Variants in CLEC18A observed in about 807,000 individuals in gnomAD.
CLEC18A encodes mannose receptor-like 1.
CLEC18A carries 5 observed loss-of-function variants against 24.0 expected under a neutral mutation model. That is an observed-to-expected ratio of 0.21 (90% CI 0.11 to 0.44). CLEC18A has a LOEUF of 0.44. Among genes scored for constraint, CLEC18A ranks in the 20% least tolerant of loss-of-function variants. The probability of loss-of-function intolerance (pLI) is 0.99; values close to 1 mark genes in which losing one functional copy is unlikely to be tolerated. For synonymous variants in CLEC18A, 29 were observed against 100.1 expected (o/e 0.29, Z 4.24); for missense variants, 83 against 233.4 (o/e 0.36, Z 4.20).
upstream of CLEC18A, among the ~76,000 whole-genome samples, chr16:69,946,462 A>G (rs1337867076): frequency 7.2e-6 from 1 of 138,760 alleles, no homozygotes; most frequent in Non-Finnish European, 1.5e-5. Context: ...CAGTGGCGCA[A>G]TCTCGGCTCA....
At chr16:69,947,724 AT>A (rs1238251046), upstream of CLEC18A, among the ~76,000 whole-genome samples, 3 of 60,374 alleles carry the variant, frequency 5.0e-5, no homozygotes, top group Non-Finnish European at 7.3e-5. Context: ...AATAGACATG[AT>A]TTTTTTTTAG....
upstream of CLEC18A, among the ~76,000 whole-genome samples, chr16:69,950,343 T>C (rs1382630224): frequency 2.3e-5 from 3 of 128,616 alleles, no homozygotes; most frequent in African/African-American, 5.0e-5. Context: ...TTTGCCCTGG[T>C]TGAATAACCT....
chr16:69,945,123 T>C, the CLEC18A span, among the ~76,000 whole-genome samples: 3 of 143,006 alleles, frequency 2.1e-5, no homozygotes, highest in African/African-American at 8.7e-5. Flanking sequence ...AGACCCTGTC[T>C]GGAAAAAAAA....
intron 3 of CLEC18A, among the ~76,000 whole-genome samples, chr16:69,957,140 T>C (rs1290410377): frequency 3.7e-5 from 2 of 53,884 alleles, no homozygotes; most frequent in Admixed American, 1.7e-4. Context: ...AGTTTTGATG[T>C]TTTTTCTATT....
At chr16:69,965,565 G>A (rs1396312924), downstream of CLEC18A, among the ~76,000 whole-genome samples, 2 of 150,140 alleles carry the variant, frequency 1.3e-5, no homozygotes, top group Admixed American at 6.6e-5. Context: ...GCCTGGTTGG[G>A]GACCTGACGC....
chr16:69,954,092 G>A (rs1218987033), intron 2 of CLEC18A, among the ~76,000 whole-genome samples: 1 of 135,814 alleles, frequency 7.4e-6, no homozygotes, highest in Non-Finnish European at 1.6e-5. Flanking sequence ...CCTGGGCAGG[G>A]CCGAAGGATG....
At chr16:69,953,045 G>A (rs1567458267) in intron 2 of CLEC18A, 1 of 150,804 alleles carries the variant, frequency 6.6e-6, no homozygotes, top group Non-Finnish European at 1.5e-5. Context: ...GGGACCCCAG[G>A]AGGGGCTGCG....
At chr16:69,955,320 A>G (rs1301594158) in intron 3 of CLEC18A, among the ~76,000 whole-genome samples, 6 of 151,204 alleles carry the variant, frequency 4.0e-5, no homozygotes, top group Admixed American at 1.3e-4. Context: ...CTTTTTTTCA[A>G]TCTGAAATAT....
intron 3 of CLEC18A, among the ~76,000 whole-genome samples, chr16:69,957,119 T>G (rs1213333433): frequency 6.7e-6 from 1 of 150,212 alleles, no homozygotes; most frequent in Non-Finnish European, 1.5e-5. Context: ...CGATTTCAGC[T>G]GCATCCAATA....
At chr16:69,950,517 C>T (rs913565228), upstream of CLEC18A, among the ~76,000 whole-genome samples, 1 of 83,506 alleles carries the variant, frequency 1.2e-5, no homozygotes, top group South Asian at 4.2e-4. Flanking sequence ...TGCTGCCCAC[C>T]TGCTACGCCG....
upstream of CLEC18A, among the ~76,000 whole-genome samples, chr16:69,946,468 G>C (rs574367996): frequency 1.4e-4 from 20 of 140,342 alleles, no homozygotes; most frequent in Non-Finnish European, 2.9e-4. Flanking sequence ...CGCAATCTCG[G>C]CTCACTGTAA....
chr16:69,952,654 G>A (rs1056480564), intron 2 of CLEC18A: 1 of 151,400 alleles, frequency 6.6e-6, no homozygotes, highest in Non-Finnish European at 1.5e-5. Flanking sequence ...CGGGGGTCGG[G>A]GGTATAGAAT....
the CLEC18A span, among the ~76,000 whole-genome samples, chr16:69,944,578 G>C: frequency 4.0e-5 from 6 of 151,852 alleles, no homozygotes; most frequent in African/African-American, 1.5e-4. Flanking sequence ...GGTGGCTCAT[G>C]ATTGTAATCC....
downstream of CLEC18A, among the ~76,000 whole-genome samples, chr16:69,965,398 G>A (rs1211280647): frequency 1.3e-5 from 2 of 151,962 alleles, no homozygotes; most frequent in Non-Finnish European, 2.9e-5. Flanking sequence ...CCCGGGACCC[G>A]CCCCTTGTCC....
intron 3 of CLEC18A, among the ~76,000 whole-genome samples, chr16:69,954,779 C>G (rs1184251845): frequency 6.6e-6 from 1 of 152,008 alleles, no homozygotes; most frequent in Non-Finnish European, 1.5e-5. Flanking sequence ...CTCACTGCAA[C>G]CTCCGCCTCC....
chr16:69,945,317 T>C, the CLEC18A span, among the ~76,000 whole-genome samples: 1 of 151,702 alleles, frequency 6.6e-6, no homozygotes, highest in Non-Finnish European at 1.5e-5. Context: ...TGTAAGTTTT[T>C]TCCTGTATTG....
chr16:69,955,803 G>T (rs1016772313), intron 3 of CLEC18A, among the ~76,000 whole-genome samples: 3 of 149,028 alleles, frequency 2.0e-5, no homozygotes, highest in African/African-American at 7.6e-5. Context: ...TGCCAAGCAA[G>T]TTTCCATTTT....
intron 3 of CLEC18A, among the ~76,000 whole-genome samples, chr16:69,955,614 A>C (rs1279743202): frequency 3.3e-5 from 5 of 150,052 alleles, no homozygotes; most frequent in Non-Finnish European, 5.9e-5. Flanking sequence ...GGCCTCCCAA[A>C]GTGCTGGGAT....
At position 69,962,959 on chromosome 16, in the gene CLEC18A, CA is replaced by C; in HGVS notation, c.1212-16del. The C allele has an allele frequency of 1.4e-6, 2 of 1,473,450 alleles. No individual in the cohort carries two copies. Among genetic ancestry groups the C allele is most frequent in the Non-Finnish European group, 1.9e-6 (2 of 1,070,282 alleles). 91.3% of individuals were successfully genotyped at this position (1,473,450 alleles called of 1,614,324 possible). Reference sequence around the variant, plus strand: ...GACTTCACTCTTGCCTCCTGACCACCACACCATGGCCTGCAGGTTTGGCAAC... The same window carrying C: ...GACTTCACTCTTGCCTCCTGACCACCCACCATGGCCTGCAGGTTTGGCAAC... On this transcript the variant is annotated splice_polypyrimidine_tract_variant and intron_variant, in intron 10 of 11. Transcript: ENST00000288040.
Sources: gnomAD v4.1 joint callset for allele counts (sites outside exome capture counted in the v4.1 genomes callset) on GRCh38, gnomAD v4.1.1 for gene constraint, MANE v1.5 for transcripts, NCBI Gene and HGNC (gene_info 2026-07-23, HGNC 2026-07-21) for gene names.